Variants in CAPZB observed in about 807,000 individuals in gnomAD.
The protein encoded by CAPZB is F-actin-capping protein subunit beta.
A neutral mutation model predicts 38.1 loss-of-function variants in CAPZB; 2 were observed. That is an observed-to-expected ratio of 0.05 (90% confidence interval 0.02 to 0.17). CAPZB has a LOEUF of 0.17. CAPZB is among the 10% of genes least tolerant of loss of function. The pLI, the probability that CAPZB is intolerant of heterozygous loss-of-function variation, is 1.00. For synonymous variants in CAPZB, 107 were observed against 127.4 expected (o/e 0.84, Z 1.08); for missense variants, 161 against 334.2 (o/e 0.48, Z 4.04).
chr1:19,449,721 T>C (rs1422291529), intron 1 of CAPZB, among the ~76,000 whole-genome samples: 4 of 149,348 alleles, frequency 2.7e-5, no homozygotes, highest in African/African-American at 5.0e-5. Context: ...GAGGCAGAGG[T>C]TGCAGTGAGC....
At chr1:19,473,558 T>G (rs909337292) in intron 1 of CAPZB, among the ~76,000 whole-genome samples, 1 of 152,204 alleles carries the variant, frequency 6.6e-6, no homozygotes, top group African/African-American at 2.4e-5. Context: ...TACAGTATCC[T>G]TCAGCACAGT....
chr1:19,369,826 C>G (rs2094110604), intron 4 of CAPZB, among the ~76,000 whole-genome samples: 1 of 152,234 alleles, frequency 6.6e-6, no homozygotes, highest in South Asian at 2.1e-4. Flanking sequence ...CCGTTACTCC[C>G]CTTACTCTGC....
At chr1:19,481,936 C>A (rs2094630618) in intron 1 of CAPZB, among the ~76,000 whole-genome samples, 1 of 152,224 alleles carries the variant, frequency 6.6e-6, no homozygotes, top group Non-Finnish European at 1.5e-5. Flanking sequence ...GCATCCTCAG[C>A]ACATAAGCAC....
At chr1:19,381,901 T>C (rs1241674380) in intron 3 of CAPZB, among the ~76,000 whole-genome samples, 2 of 152,118 alleles carry the variant, frequency 1.3e-5, no homozygotes, top group African/African-American at 2.4e-5. Context: ...GAAAAGATGC[T>C]GTCGCCATGA....
chr1:19,465,757 T>C (rs1427575982), intron 1 of CAPZB, among the ~76,000 whole-genome samples: 1 of 152,192 alleles, frequency 6.6e-6, no homozygotes, highest in African/African-American at 2.4e-5. Context: ...CAGTGCCTCC[T>C]GTCCTGGGCC....
At chr1:19,353,041 G>C (rs1349345841) in intron 6 of CAPZB, among the ~76,000 whole-genome samples, 1 of 152,262 alleles carries the variant, frequency 6.6e-6, no homozygotes, top group African/African-American at 2.4e-5. Flanking sequence ...TCTCCAGATG[G>C]GCCGTGGGAA....
intron 6 of CAPZB, among the ~76,000 whole-genome samples, chr1:19,352,116 G>A (rs376131490): frequency 1.2e-4 from 18 of 152,226 alleles, no homozygotes; most frequent in East Asian, 7.7e-4. Context: ...AGCTGGGCCC[G>A]GCCCACCCTC....
chr1:19,402,513 G>A (rs2094308607), intron 2 of CAPZB, among the ~76,000 whole-genome samples: 2 of 152,222 alleles, frequency 1.3e-5, no homozygotes, highest in African/African-American at 4.8e-5. Context: ...TTTCTGGTAA[G>A]GGACCCATGT....
intron 1 of CAPZB, chr1:19,484,682 GCAC>G (rs2094644486): frequency 8.8e-7 from 1 of 1,137,120 alleles, no homozygotes. Flanking sequence ...CCTGGGTCGT[GCAC>G]CAGGCAGGGG....
At chr1:19,404,210 G>A (rs1358326093) in intron 2 of CAPZB, among the ~76,000 whole-genome samples, 2 of 137,056 alleles carry the variant, frequency 1.5e-5, no homozygotes, top group South Asian at 4.7e-4. Context: ...TCCAGCCTGG[G>A]AGACAGACTG....
intron 1 of CAPZB, among the ~76,000 whole-genome samples, chr1:19,445,431 C>T (rs12091047): frequency 0.31 from 47,060 of 151,628 alleles, 7,684 homozygotes; most frequent in Middle Eastern, 0.42. Flanking sequence ...GCACTTTCCC[C>T]GCTTTGCCCT....
At chr1:19,382,891 C>T (rs2094182819) in intron 3 of CAPZB, among the ~76,000 whole-genome samples, 4 of 152,138 alleles carry the variant, frequency 2.6e-5, no homozygotes, top group Admixed American at 1.3e-4. Flanking sequence ...GCATGCCGGG[C>T]GAGAATACTT....
intron 1 of CAPZB, among the ~76,000 whole-genome samples, chr1:19,445,417 A>G (rs1219533594): frequency 2.0e-5 from 3 of 152,064 alleles, no homozygotes; most frequent in African/African-American, 7.2e-5. Flanking sequence ...CAAGAGTAAA[A>G]CATGCACTTT....
chr1:19,395,791 G>C (rs946234204), intron 2 of CAPZB, among the ~76,000 whole-genome samples: 1 of 152,220 alleles, frequency 6.6e-6, no homozygotes, highest in Non-Finnish European at 1.5e-5. Flanking sequence ...GTCCCTGAGA[G>C]ATGAAGCACA....
In CAPZB at chr1:19,369,884, G is replaced by A. The variant is rs576742611; in HGVS notation, c.329+8656C>T. ...GTCCGCAGGCCTGGCCGTTTCCAGC[G>A]GTGGAAAAAGCCCCCGGGGCACCTG... On this transcript the variant is annotated intron_variant, in intron 4 of 8. Coordinates refer to ENST00000264202, the MANE Select transcript of CAPZB (RefSeq NM_004930.5). Among the ~76,000 whole-genome samples the A allele has an allele frequency of 1.8e-3, 273 of 152,242 alleles. 1 individual carries two copies. The highest frequency in any genetic ancestry group is 5.1e-3 in the African/African-American group (211 of 41,542).
At chr1:19,417,127 T>C (rs986981244) in intron 2 of CAPZB, among the ~76,000 whole-genome samples, 1 of 152,090 alleles carries the variant, frequency 6.6e-6, no homozygotes, top group African/African-American at 2.4e-5. Flanking sequence ...AGGGAGCCAG[T>C]TGACCAGGTT....
At chr1:19,345,983 T>C (rs1337144424) in intron 6 of CAPZB, among the ~76,000 whole-genome samples, 1 of 152,214 alleles carries the variant, frequency 6.6e-6, no homozygotes, top group Non-Finnish European at 1.5e-5. Context: ...GAGCTGGCTC[T>C]GACCCAATCA....
intron 2 of CAPZB, 83 bp from the exon 3 acceptor site, chr1:19,385,709 T>C (rs1237952772): frequency 6.4e-7 from 1 of 1,556,246 alleles, no homozygotes; most frequent in Admixed American, 1.7e-5. Flanking sequence ...GCAGCCATAT[T>C]GTGGTCAGTA....
chr1:19,465,672 T>G (rs1558287333), intron 1 of CAPZB, among the ~76,000 whole-genome samples: 1 of 151,972 alleles, frequency 6.6e-6, no homozygotes, highest in Non-Finnish European at 1.5e-5. Context: ...GCTTAGAGGG[T>G]GGGGAGAATG....
Sources: gnomAD v4.1 joint callset for allele counts (sites outside exome capture counted in the v4.1 genomes callset) on GRCh38, gnomAD v4.1.1 for gene constraint, MANE v1.5 for transcripts, NCBI Gene and HGNC (gene_info 2026-07-23, HGNC 2026-07-21) for gene names.